Variants in HUWE1 observed in about 807,000 individuals in gnomAD.
HUWE1 encodes E3 ubiquitin-protein ligase HUWE1.
A neutral mutation model predicts 299.4 loss-of-function variants in HUWE1; 18 were observed. The observed-to-expected ratio is 0.06, with a 90% CI of 0.04 to 0.09. The LOEUF (loss-of-function observed/expected upper bound fraction) is 0.09, where lower values mean the gene tolerates loss of function less well. HUWE1 is among the 10% of genes least tolerant of loss of function. HUWE1 has a pLI of 1.00. For missense variants in HUWE1, 1,832 were observed against 3,462.3 expected, an observed-to-expected ratio of 0.53 and a Z score of 11.82; for synonymous variants, 1,317 against 1,286.1, an observed-to-expected ratio of 1.02 and a Z score of -0.51.
At chrX:53,645,773 A>G (rs1472668623) in intron 6 of HUWE1, among the ~76,000 whole-genome samples, 7 of 84,307 alleles carry the variant, frequency 8.3e-5, no homozygotes, top group African/African-American at 2.2e-4. Context: ...ATATATATAT[A>G]TATGTATTTG....
intron 3 of HUWE1, among the ~76,000 whole-genome samples, chrX:53,658,121 T>C (rs2068837949): frequency 9.2e-6 from 1 of 108,744 alleles, no homozygotes; most frequent in Non-Finnish European, 1.9e-5. Flanking sequence ...AAAAAACATT[T>C]ATATTAGCAC....
chrX:53,552,841 G>A lies in HUWE1; in HGVS notation c.8547C>T (p.Ser2849=), dbSNP rs1321241996. 1.7e-6 allele frequency: 2 copies of A among 1,209,453 alleles called. No homozygotes were observed. Among genetic ancestry groups the A allele is most frequent in the African/African-American group, 3.5e-5 (2 of 57,252 alleles). ...CCATAGGAGAGCCTTCTAGCTGACT[G>A]CTGACAGCCGTCAGTGCATCAGAAT... ...AEDSDALTAV[S]SQLEGSPMDT... is the part of the protein sequence containing the mutation. The change falls in exon 62 of 84, where the codon AGC becomes AGT. Residue 2849 remains serine (S), a synonymous_variant. Transcript: ENST00000262854.
At chrX:53,684,989 TG>T (rs1301316426) in intron 2 of HUWE1, among the ~76,000 whole-genome samples, 3 of 111,899 alleles carry the variant, frequency 2.7e-5, no homozygotes, top group Non-Finnish European at 5.6e-5. Context: ...GCTTCGGGGA[TG>T]GGGGGAAATG....
At chrX:53,554,499 C>A (rs1335952635) in intron 61 of HUWE1, 134 bp downstream of exon 61, 2 of 632,961 alleles carry the variant, frequency 3.2e-6, no homozygotes, top group East Asian at 3.5e-5. Context: ...AAAGTGAATG[C>A]GCAAGACGAG....
At chrX:53,671,981 G>C (rs1271685156) in intron 3 of HUWE1, among the ~76,000 whole-genome samples, 1 of 106,941 alleles carries the variant, frequency 9.4e-6, no homozygotes, top group Non-Finnish European at 1.9e-5. Context: ...TGTGAACAAA[G>C]CAAACTGGTT....
intron 3 of HUWE1, among the ~76,000 whole-genome samples, chrX:53,657,997 T>C (rs1272095819): frequency 2.4e-5 from 2 of 84,873 alleles, no homozygotes; most frequent in Admixed American, 3.6e-4. Flanking sequence ...TGCAGTGAGC[T>C]GAGATGGCGC....
intron 3 of HUWE1, among the ~76,000 whole-genome samples, chrX:53,673,109 T>C (rs2069640823): frequency 8.9e-6 from 1 of 112,169 alleles, no homozygotes; most frequent in African/African-American, 3.2e-5. Flanking sequence ...AACTCTAAAA[T>C]ACTGTACAAA....
chrX:53,589,957 G>A, intron 35 of HUWE1, 141 bp from the exon 36 acceptor site: 1 of 667,169 alleles, frequency 1.5e-6, no homozygotes, highest in Non-Finnish European at 2.3e-6. Context: ...CATCCAGGAT[G>A]TGGCAGCCAC....
intron 22 of HUWE1, 37 bp downstream of exon 22, chrX:53,615,707 C>T: frequency 9.2e-7 from 1 of 1,087,096 alleles, no homozygotes; most frequent in South Asian, 1.9e-5. Context: ...CTTCTCTGCT[C>T]TCTCATGCTC....
Position 53,547,891 on chromosome X carries a change from T to G in HUWE1, c.10418A>C (p.Gln3473Pro), listed in dbSNP as rs889765276. 9 of 1,210,238 alleles carry G rather than the reference T, an allele frequency of 7.4e-6. No individual in the cohort carries two copies. The highest frequency in any genetic ancestry group is 1.0e-5 in the Non-Finnish European group (9 of 894,728). The part of the protein sequence containing the change: ...ALPENKVSEA[Q>P]ANSGSGASST... ...GGAAGCACCGCTGCCAGAATTAGCC[T>G]GTGCTTCTGACACCTTGTTTTCTGG... The change falls in exon 68 of 84, where the codon CAG (glutamine) becomes CCG (proline). Residue 3473 changes from glutamine (Q) to proline (P), a missense_variant. Physicochemically the swap from Gln to Pro is moderately conservative, Grantham distance 76. This residue lies in a region of HUWE1 where 119 missense variants were observed against 124.6 expected (regional missense o/e 0.96). Coordinates refer to ENST00000262854, the MANE Select transcript of HUWE1 (RefSeq NM_031407.7).
chrX:53,620,430 AG>A (rs782189689), intron 19 of HUWE1, among the ~76,000 whole-genome samples: 1 of 110,682 alleles, frequency 9.0e-6, no homozygotes, highest in African/African-American at 3.3e-5. Flanking sequence ...TTGTAGAGAC[AG>A]GATTTCACCA....
chrX:53,542,817 C>CT (rs1392663299), intron 73 of HUWE1: 4 of 340,943 alleles, frequency 1.2e-5, no homozygotes, highest in African/African-American at 8.2e-5. Context: ...AACTAGCCTC[C>CT]TGTATATAGA....
chrX:53,601,082 A>G (rs1244355137), intron 28 of HUWE1, among the ~76,000 whole-genome samples: 11 of 111,683 alleles, frequency 9.8e-5, no homozygotes, highest in African/African-American at 3.6e-4. Context: ...ACCAGCTGTC[A>G]TATGTAAGTC....
At chrX:53,678,224 C>T (rs1212438446) in intron 3 of HUWE1, among the ~76,000 whole-genome samples, 2 of 111,948 alleles carry the variant, frequency 1.8e-5, no homozygotes, top group African/African-American at 3.2e-5. Context: ...GGTTAACAGC[C>T]CAAACAAAAC....
At chrX:53,624,467 A>T in intron 19 of HUWE1, 128 bp downstream of exon 19, 1 of 542,250 alleles carries the variant, frequency 1.8e-6, no homozygotes, top group Non-Finnish European at 3.2e-6. Context: ...ACTACACTCC[A>T]GCCTGGGCAA....
rs1392816058 is a variant in HUWE1 at position 53,682,856 on chromosome X, C to T, written c.-162-2670G>A. On this transcript the variant is annotated intron_variant, in intron 2 of 83. Transcript: ENST00000262854. ...CTGGAGAGTTATCCTCTACAGCCTT[C>T]TGAGGGGGAGGAATGAGGAAGGCAA... Among the ~76,000 whole-genome samples the T allele has an allele frequency of 5.4e-5, 6 of 111,172 alleles. No homozygotes were observed. The Admixed American group carries it at 5.7e-4, about 11-fold the overall frequency.
intron 7 of HUWE1, among the ~76,000 whole-genome samples, chrX:53,636,591 G>A (rs187430525): frequency 9.0e-6 from 1 of 111,321 alleles, no homozygotes; most frequent in East Asian, 2.8e-4. Context: ...GGCATGTGGT[G>A]CATGCCTGTG....
chrX:53,609,900 A>G (rs781794459), intron 23 of HUWE1, among the ~76,000 whole-genome samples: 31 of 111,937 alleles, frequency 2.8e-4, no homozygotes, highest in African/African-American at 8.8e-4. Context: ...AACATTTGGC[A>G]GCAGAATATA....
In HUWE1 at chrX:53,648,196, G is replaced by A. The variant is rs782759916; in HGVS notation, c.144+16C>T. On this transcript the variant is annotated intron_variant, in intron 5 of 83. Transcript: ENST00000262854. ...GTATGGTGAGTCCTGTCTTTTGGGA[G>A]CTTGACTTCACATACCTTTCCAATG... 1 of 1,096,824 alleles carries A rather than the reference G, an allele frequency of 9.1e-7. No individual in the cohort carries two copies. The highest frequency in any genetic ancestry group is 2.2e-5 in the Admixed American group (1 of 45,903). 90.4% of individuals were successfully genotyped at this position (1,096,824 alleles called of 1,213,427 possible).
Sources: allele counts gnomAD v4.1 joint callset (sites outside exome capture counted in the v4.1 genomes callset), GRCh38; gene constraint gnomAD v4.1.1; regional missense constraint gnomAD v4.1.1; transcripts MANE v1.5; gene names NCBI Gene and HGNC (gene_info 2026-07-23, HGNC 2026-07-21).